CLEC2D: variants seen among roughly 807,000 people sequenced by gnomAD.
CLEC2D encodes the protein C-type lectin domain family 2 member D.
Under a neutral mutation model 20.0 loss-of-function variants are expected in CLEC2D, and 16 were observed. The ratio of observed to expected loss-of-function variants is 0.80; its 90% CI spans 0.54 to 1.22. CLEC2D has a LOEUF of 1.22. Ranked by LOEUF, CLEC2D falls within the 50% of genes most tolerant of loss-of-function variation. CLEC2D has a pLI of 0.00. For synonymous variants in CLEC2D, 77 were observed against 71.1 expected (o/e 1.08, Z -0.42); for missense variants, 207 against 221.5 (o/e 0.93, Z 0.42).
chr12:9,673,790 C>T (rs754170178), intron 1 of CLEC2D, among the ~76,000 whole-genome samples: 38 of 152,310 alleles, frequency 2.5e-4, no homozygotes, highest in African/African-American at 7.2e-4. Flanking sequence ...AGGGATGGCT[C>T]AGGGTCCCAC....
At chr12:9,684,559 A>G in intron 2 of CLEC2D, among the ~76,000 whole-genome samples, 1 of 152,146 alleles carries the variant, frequency 6.6e-6, no homozygotes, top group East Asian at 1.9e-4. Flanking sequence ...TGTTCCATCA[A>G]TACCTAGTCT....
chr12:9,678,118 C>T (rs1865561784), intron 1 of CLEC2D, among the ~76,000 whole-genome samples: 1 of 152,128 alleles, frequency 6.6e-6, no homozygotes, highest in Non-Finnish European at 1.5e-5. Context: ...TTTTGCCTCA[C>T]GTAGTTAAAT....
chr12:9,690,625 G>A (rs1182003042), intron 3 of CLEC2D, among the ~76,000 whole-genome samples: 7 of 151,576 alleles, frequency 4.6e-5, no homozygotes, highest in African/African-American at 1.5e-4. Flanking sequence ...TTATGAAGCA[G>A]GGATGAAGAC....
At chr12:9,679,880 AT>A (rs1267366766) in intron 1 of CLEC2D, among the ~76,000 whole-genome samples, 1 of 152,216 alleles carries the variant, frequency 6.6e-6, no homozygotes, top group Non-Finnish European at 1.5e-5. Context: ...AATGAACTTC[AT>A]AAGAGGTTTT....
chr12:9,690,602 A>G (rs1865842174), intron 3 of CLEC2D, among the ~76,000 whole-genome samples: 1 of 152,058 alleles, frequency 6.6e-6, no homozygotes, highest in South Asian at 2.1e-4. Flanking sequence ...TAAAGATGCA[A>G]TCTGTGACAG....
chr12:9,695,607 A>G lies in CLEC2D; in HGVS notation c.*733A>G. The G allele has an allele frequency of 6.4e-7, 1 of 1,551,654 alleles. No homozygotes were observed. The highest frequency in any genetic ancestry group is 1.1e-5 in the South Asian group (1 of 90,026). Reference sequence around the variant, plus strand: ...ACGAAGGCAGTCCAATTAAAGTAACACTGGCAACTTTGAAAATGTCTGTAC... The same window carrying G: ...ACGAAGGCAGTCCAATTAAAGTAACGCTGGCAACTTTGAAAATGTCTGTAC... On this transcript the variant is annotated 3_prime_UTR_variant, in exon 5 of 5. Transcript: ENST00000290855.
chr12:9,686,275 A>C (rs145586449), intron 2 of CLEC2D, among the ~76,000 whole-genome samples: 109 of 151,900 alleles, frequency 7.2e-4, no homozygotes, highest in Non-Finnish European at 1.2e-3. Context: ...GGAACTGCAG[A>C]CCAGAGCTGT....
Position 9,694,903 on chromosome 12 carries a change from T to C in CLEC2D, c.*29T>C, listed in dbSNP as rs779068998. 6.8e-6 allele frequency: 8 copies of C among 1,169,248 alleles called. No individual in the cohort carries two copies. The highest frequency in any genetic ancestry group is 6.1e-5 in the South Asian group (5 of 81,600). 72.4% of individuals were successfully genotyped at this position (1,169,248 alleles called of 1,614,324 possible). A position where few individuals can be genotyped will look rare whatever the true frequency, so the allele number is the denominator to read the frequency against. ...TTACAGCAAAGCCCCAACTAATCTT[T>C]AGAAGCATATTGGAACTGATAACTC... On this transcript the variant is annotated 3_prime_UTR_variant, in exon 5 of 5. Transcript: ENST00000290855.
chr12:9,673,373 G>T (rs6488109), intron 1 of CLEC2D, among the ~76,000 whole-genome samples: 1 of 152,182 alleles, frequency 6.6e-6, no homozygotes, highest in Non-Finnish European at 1.5e-5. Context: ...CCCTGTTCAC[G>T]TGGGTATCAC....
intron 1 of CLEC2D, among the ~76,000 whole-genome samples, chr12:9,676,983 A>T (rs1432036149): frequency 6.6e-6 from 1 of 151,838 alleles, no homozygotes; most frequent in Admixed American, 6.6e-5. Context: ...TTTATTTCTG[A>T]TATAGATAAT....
intron 1 of CLEC2D, among the ~76,000 whole-genome samples, chr12:9,673,756 G>C (rs1270283046): frequency 6.6e-6 from 1 of 152,178 alleles, no homozygotes; most frequent in African/African-American, 2.4e-5. Flanking sequence ...TGGAATTCTT[G>C]CAGGGATGAC....
rs36120151 is a variant in CLEC2D, at chr12:9,677,707, C to CTTTTTTTTTTTTTT, written c.62-3208_62-3195dup. Among the ~76,000 whole-genome samples the CTTTTTTTTTTTTTT allele has an allele frequency of 5.6e-4, 68 of 122,396 alleles. 1 individual carries two copies. Among genetic ancestry groups the CTTTTTTTTTTTTTT allele is most frequent in the Non-Finnish European group, 7.1e-4 (42 of 58,858 alleles). 80.3% of individuals were successfully genotyped at this position (122,396 alleles called of 152,430 possible). ...GCTGGATCTGGGCATTTCTTTCTTTCTTTTTTTTTTTTTTTTTTTTTATTT... is the reference window on the plus strand; with the variant it reads ...GCTGGATCTGGGCATTTCTTTCTTTCTTTTTTTTTTTTTTTTTTTTTTTTTTTTTTTTTTTATTT... On this transcript the variant is annotated intron_variant, in intron 1 of 4. Coordinates refer to ENST00000290855, the MANE Select transcript of CLEC2D (RefSeq NM_013269.6).
intron 3 of CLEC2D, among the ~76,000 whole-genome samples, chr12:9,691,423 G>A (rs1426156476): frequency 6.6e-6 from 1 of 152,034 alleles, no homozygotes; most frequent in African/African-American, 2.4e-5. Flanking sequence ...TCCCTAACAG[G>A]CATATACAGA....
chr12:9,695,818 G>A lies in CLEC2D; in HGVS notation c.*944G>A. ...TATATCTGGAAAGCAGTCTGCCCCT[G>A]GAGGTGGGCAGAAAAAAGTAAAACT... is the stretch of plus-strand genomic sequence containing the variant. On this transcript the variant is annotated 3_prime_UTR_variant, in exon 5 of 5. Transcript: ENST00000290855. The A allele has an allele frequency of 8.3e-7, 1 of 1,210,678 alleles. No individual in the cohort carries two copies. The highest frequency in any genetic ancestry group is 1.2e-6 in the Non-Finnish European group (1 of 827,616). The allele number at this position is 1,210,678 out of a possible 1,614,324, so 75.0% of individuals were successfully genotyped here. A position where few individuals can be genotyped will look rare whatever the true frequency, so the allele number is the denominator to read the frequency against.
chr12:9,673,308 ACAGT>A (rs1374178435), intron 1 of CLEC2D, among the ~76,000 whole-genome samples: 10 of 152,252 alleles, frequency 6.6e-5, no homozygotes, highest in Middle Eastern at 3.4e-3. Context: ...TTATCTTCTA[ACAGT>A]CAGCCTTTCT....
At position 9,694,923 on chromosome 12, in the gene CLEC2D, T is replaced by C; in HGVS notation, c.*49T>C. ...ATCTTTAGAAGCATATTGGAACTGA[T>C]AACTCCATTTTAAAATGAGCAAAGA... On this transcript the variant is annotated 3_prime_UTR_variant, in exon 5 of 5. Transcript: ENST00000290855. 1 of 947,774 alleles carries C rather than the reference T, an allele frequency of 1.1e-6. No homozygotes were observed. Among genetic ancestry groups the C allele is most frequent in the South Asian group, 1.3e-5 (1 of 75,498 alleles). 58.7% of individuals were successfully genotyped at this position (947,774 alleles called of 1,614,324 possible).
At chr12:9,682,061 T>C (rs1865646332) in intron 2 of CLEC2D, among the ~76,000 whole-genome samples, 1 of 152,162 alleles carries the variant, frequency 6.6e-6, no homozygotes, top group Non-Finnish European at 1.5e-5. Flanking sequence ...GCATATGAAA[T>C]TGACACTTAT....
rs773330054 is a variant in CLEC2D, at chr12:9,680,534, T to G, written c.62-389T>G. Among the ~76,000 whole-genome samples the G allele has an allele frequency of 2.0e-5, 3 of 152,322 alleles. No homozygotes were observed. The East Asian group carries it at 5.8e-4, about 29-fold the overall frequency. ...TTTTTTCCTCCAAAACAATGCCTTT[T>G]AAGTCTATTTTAATCGATAGATTTC... On this transcript the variant is annotated intron_variant, in intron 1 of 4. Coordinates refer to ENST00000290855, the MANE Select transcript of CLEC2D (RefSeq NM_013269.6).
rs1372547672 is a variant in CLEC2D at position 9,695,324 on chromosome 12, G to A, written c.*450G>A. On this transcript the variant is annotated 3_prime_UTR_variant, in exon 5 of 5. Coordinates refer to ENST00000290855, the MANE Select transcript of CLEC2D (RefSeq NM_013269.6). The stretch of plus-strand genomic sequence containing the variant: ...TTCCGTCCTGCGCGGCTGTTCTCTG[G>A]AGCAGCATTCATTTATCTTCGTCTG... 5.7e-6 allele frequency: 5 copies of A among 884,460 alleles called. No homozygotes were observed. The highest frequency in any genetic ancestry group is 1.7e-5 in the Admixed American group (1 of 57,144). The allele number at this position is 884,460 out of a possible 1,614,324, so 54.8% of individuals were successfully genotyped here.
Sources: allele counts gnomAD v4.1 joint callset (sites outside exome capture counted in the v4.1 genomes callset), GRCh38; gene constraint gnomAD v4.1.1; transcripts MANE v1.5; gene names NCBI Gene and HGNC (gene_info 2026-07-23, HGNC 2026-07-21).